The following RCC1L variants were observed in gnomAD, a reference collection of about 807,000 sequenced individuals.
The protein encoded by RCC1L is RCC1-like G exchanging factor-like protein.
RCC1L carries 46 observed loss-of-function variants against 58.6 expected under a neutral mutation model. The ratio of observed to expected loss-of-function variants is 0.79; its 90% confidence interval spans 0.62 to 1.00. RCC1L has a LOEUF of 1.00. RCC1L is among the 50% of genes least tolerant of loss of function. The probability of loss-of-function intolerance (pLI) is 0.00; values close to 1 mark genes in which losing one functional copy is unlikely to be tolerated. For synonymous variants in RCC1L, 281 were observed against 262.9 expected (o/e 1.07, Z -0.67); for missense variants, 636 against 623.6 (o/e 1.02, Z -0.21).
chr7:75,036,553 G>A (rs1375624995), intron 10 of RCC1L, among the ~76,000 whole-genome samples: 4 of 152,184 alleles, frequency 2.6e-5, no homozygotes, highest in East Asian at 1.9e-4. Context: ...CATACAGTAC[G>A]TGCTGAGGAG....
chr7:75,029,501 G>A (rs1017267947), intron 10 of RCC1L, among the ~76,000 whole-genome samples: 4 of 151,488 alleles, frequency 2.6e-5, no homozygotes, highest in South Asian at 2.1e-4. Context: ...CCACCACCAC[G>A]CTCGGCTAAT....
chr7:75,058,526 C>T (rs1051629661), intron 7 of RCC1L, 62 bp downstream of exon 7: 18 of 1,544,274 alleles, frequency 1.2e-5, no homozygotes, highest in East Asian at 4.9e-5. Flanking sequence ...CCACCACACC[C>T]GGCCCCTTAA....
intron 6 of RCC1L, among the ~76,000 whole-genome samples, chr7:75,059,914 C>G (rs1462324671): frequency 6.6e-6 from 1 of 152,170 alleles, no homozygotes; most frequent in Non-Finnish European, 1.5e-5. Flanking sequence ...GCGCCCGCCA[C>G]CATGCCCAGC....
In RCC1L at chr7:75,073,556, A is replaced by G. The variant is rs1160267984; in HGVS notation, c.182T>C (p.Val61Ala). 2.0e-6 allele frequency: 3 copies of G among 1,507,946 alleles called. No homozygotes were observed. The highest frequency in any genetic ancestry group is 2.6e-6 in the Non-Finnish European group (3 of 1,136,574). 93.4% of individuals were successfully genotyped at this position (1,507,946 alleles called of 1,614,324 possible). A position where few individuals can be genotyped will look rare whatever the true frequency, so the allele number is the denominator to read the frequency against. ...CGAGAAGCTGAAGCCCCACACGAAG[A>G]CGCGATCGGCGCGGGCAGCGCGCTC... ...VGERAARADR[V>A]FVWGFSFSGA... The change falls in exon 1 of 11, where the codon GTC becomes GCC. Residue 61 changes from valine to alanine, a missense_variant. Transcript: ENST00000610322.
At chr7:75,072,341 TTTG>T (rs587672840) in intron 1 of RCC1L, among the ~76,000 whole-genome samples, 3 of 150,566 alleles carry the variant, frequency 2.0e-5, no homozygotes, top group Non-Finnish European at 4.4e-5. Context: ...TTGTATGCTT[TTTG>T]TTGTTGTTGT....
chr7:75,056,776 C>T, intron 8 of RCC1L: 6 of 1,467,152 alleles, frequency 4.1e-6, no homozygotes, highest in Non-Finnish European at 5.5e-6. Context: ...TCATTCACAC[C>T]CTGTAATGCC....
chr7:75,058,640 C>A lies in RCC1L; in HGVS notation c.917G>T (p.Gly306Val), dbSNP rs1427075464. The change falls in exon 7 of 11, where the codon GGT (glycine) becomes GTT (valine). Residue 306 changes from glycine (G) to valine (V), a missense_variant. Physicochemically the swap from Gly to Val is moderately radical, Grantham distance 109. Coordinates refer to ENST00000610322, the MANE Select transcript of RCC1L (RefSeq NM_030798.5). Reference sequence around the variant, plus strand: ...CTGCAGGTACTCCGAGTTTCCCCAACCAAAAAGTCCTCCGTCGGCGGACAC... The same window carrying A: ...CTGCAGGTACTCCGAGTTTCCCCAAACAAAAAGTCCTCCGTCGGCGGACAC... ...LAVSADGGLF[G>V]WGNSEYLQLA... 4 of 1,613,294 alleles carry A rather than the reference C, an allele frequency of 2.5e-6. No individual in the cohort carries two copies. The highest frequency in any genetic ancestry group is 3.4e-6 in the Non-Finnish European group (4 of 1,179,650).
chr7:75,073,510 G>A lies in RCC1L; in HGVS notation c.228C>T (p.Ser76=). ...FSFSGALGVP[S]FVVPSSGPGP... ...CGGGCCCGGAGCTGGGCACCACAAA[G>A]GAAGGCACGCCCAGCGCCCCCGAGA... is the stretch of plus-strand genomic sequence containing the variant. The change falls in exon 1 of 11, where the codon TCC becomes TCT. Residue 76 remains serine (S), a synonymous_variant. Coordinates refer to ENST00000610322, the MANE Select transcript of RCC1L (RefSeq NM_030798.5). 1 of 1,434,012 alleles carries A rather than the reference G, an allele frequency of 7.0e-7. No homozygotes were observed. Among genetic ancestry groups the A allele is most frequent in the Non-Finnish European group, 9.1e-7 (1 of 1,100,594 alleles). The allele number at this position is 1,434,012 out of a possible 1,614,324, so 88.8% of individuals were successfully genotyped here.
intron 3 of RCC1L, among the ~76,000 whole-genome samples, chr7:75,066,233 C>T (rs1260082892): frequency 2.6e-5 from 4 of 151,910 alleles, no homozygotes; most frequent in South Asian, 2.1e-4. Context: ...GGGCGGATCA[C>T]GAGGTCAGGA....
intron 1 of RCC1L, among the ~76,000 whole-genome samples, chr7:75,072,161 C>CATATACATACATATATATATATAT (rs1455614533): frequency 2.2e-5 from 1 of 46,368 alleles, no homozygotes; most frequent in Non-Finnish European, 4.6e-5. Context: ...TATACATATA[C>CATATACATACATATATATATATAT]ATATATATAT....
downstream of RCC1L, among the ~76,000 whole-genome samples, chr7:75,040,882 C>T (rs1202448072): frequency 6.6e-6 from 1 of 152,144 alleles, no homozygotes; most frequent in Admixed American, 6.5e-5. Context: ...GGCCGCAGGT[C>T]ACAGCAAGGA....
chr7:75,061,333 T>C, intron 5 of RCC1L, 42 bp from the exon 6 acceptor site: 1 of 1,559,096 alleles, frequency 6.4e-7, no homozygotes, highest in South Asian at 1.1e-5. Flanking sequence ...AGGAAATACT[T>C]AGAACCCTGG....
chr7:75,058,660 G>T lies in RCC1L; in HGVS notation c.897C>A (p.Ser299=), dbSNP rs957298552. The change falls in exon 7 of 11, where the codon TCC becomes TCA. Residue 299 remains serine (S), a synonymous_variant. Coordinates refer to ENST00000610322, the MANE Select transcript of RCC1L (RefSeq NM_030798.5). ...CCCAACCAAAAAGTCCTCCGTCGGC[G>T]GACACGGCCAGGCAGCAATCACCGT... ...ATYGDCCLAV[S]ADGGLFGWGN... The T allele has an allele frequency of 2.5e-6, 4 of 1,613,790 alleles. No individual in the cohort carries two copies. Among genetic ancestry groups the T allele is most frequent in the South Asian group, 1.1e-5 (1 of 91,068 alleles).
intron 10 of RCC1L, among the ~76,000 whole-genome samples, chr7:75,031,881 A>G (rs983513002): frequency 2.6e-4 from 39 of 152,336 alleles, no homozygotes; most frequent in Non-Finnish European, 5.3e-4. Flanking sequence ...CTTCTAAGTG[A>G]GGCCTGGCTG....
chr7:75,045,103 G>C (rs988624343), intron 10 of RCC1L, among the ~76,000 whole-genome samples: 43 of 152,284 alleles, frequency 2.8e-4, no homozygotes, highest in African/African-American at 9.9e-4. Context: ...TAACCTCCTG[G>C]GCTCAAGTGA....
Position 75,029,650 on chromosome 7 carries a change from AT to A in RCC1L, c.1318-1572del, listed in dbSNP as rs1326707273. On this transcript the variant is annotated intron_variant, in intron 10 of 10. Transcript: ENST00000614461. ...TGAGATACCCCGCCTGGCCAATGGG[AT>A]TTTTGACGCCACTTCCTGAGTGAAG... 3.2e-4 allele frequency among the ~76,000 whole-genome samples: 49 copies of A among 151,848 alleles called. No individual in the cohort carries two copies. In the South Asian group the frequency reaches 8.8e-3, roughly 27 times the overall value.
intron 10 of RCC1L, among the ~76,000 whole-genome samples, chr7:75,028,509 T>C (rs1805205989): frequency 6.6e-6 from 1 of 151,926 alleles, no homozygotes; most frequent in African/African-American, 2.4e-5. Context: ...TGGTTCTCCA[T>C]TAAGAAAAGC....
chr7:75,048,655 G>T (rs1010543447), intron 10 of RCC1L, among the ~76,000 whole-genome samples: 1 of 152,238 alleles, frequency 6.6e-6, no homozygotes, highest in Non-Finnish European at 1.5e-5. Context: ...GGAAAGCCAG[G>T]GCGCTCCCTG....
intron 10 of RCC1L, among the ~76,000 whole-genome samples, chr7:75,031,165 C>T (rs1805290079): frequency 6.6e-6 from 1 of 152,142 alleles, no homozygotes; most frequent in Non-Finnish European, 1.5e-5. Flanking sequence ...TTTCCGTTAT[C>T]CTGAGATGGG....
Sources: gnomAD v4.1 joint callset for allele counts (sites outside exome capture counted in the v4.1 genomes callset) on GRCh38, gnomAD v4.1.1 for gene constraint, MANE v1.5 for transcripts, NCBI Gene and HGNC (gene_info 2026-07-23, HGNC 2026-07-21) for gene names.